SHTN1: variants seen among roughly 807,000 people sequenced by gnomAD.
SHTN1 encodes shootin-1.
Under a neutral mutation model 83.1 loss-of-function variants are expected in SHTN1, and 42 were observed. The observed-to-expected ratio is 0.51, with a 90% CI of 0.39 to 0.65. The LOEUF (loss-of-function observed/expected upper bound fraction) is 0.65, where lower values mean the gene tolerates loss of function less well. Among genes scored for constraint, SHTN1 ranks in the 30% least tolerant of loss-of-function variants. The pLI is 0.00. For missense variants in SHTN1, 622 were observed against 737.8 expected, an observed-to-expected ratio of 0.84 and a Z score of 1.82; for synonymous variants, 224 against 247.7, an observed-to-expected ratio of 0.90 and a Z score of 0.90.
rs554427393 is a variant in SHTN1, at chr10:117,109,417, C to T, written c.-189+16890G>A. On this transcript the variant is annotated intron_variant, in intron 1 of 17. Coordinates refer to the SHTN1 transcript ENST00000392901. Reference sequence around the variant, plus strand: ...GAGTATCTTAATTTTATACTGTTTTCGTAAAAATTTCAGATTGGAAGGAAA... The same window carrying T: ...GAGTATCTTAATTTTATACTGTTTTTGTAAAAATTTCAGATTGGAAGGAAA... Among the ~76,000 whole-genome samples the T allele has an allele frequency of 2.3e-4, 35 of 151,892 alleles. 1 individual carries two copies. The South Asian group carries it at 5.4e-3, about 24-fold the overall frequency.
chr10:117,081,645 G>A (rs1413188186), intron 1 of SHTN1, among the ~76,000 whole-genome samples: 1 of 146,694 alleles, frequency 6.8e-6, no homozygotes, highest in East Asian at 2.1e-4. Context: ...GTAGAATTCG[G>A]CTGTGAATCC....
intron 1 of SHTN1, among the ~76,000 whole-genome samples, chr10:117,062,344 TC>T (rs1852915581): frequency 1.3e-5 from 2 of 152,198 alleles, no homozygotes; most frequent in African/African-American, 4.8e-5. Context: ...ATACAAAAGA[TC>T]CTGAGTATTG....
intron 3 of SHTN1, among the ~76,000 whole-genome samples, chr10:116,963,064 T>G (rs1850248447): frequency 2.6e-5 from 2 of 75,870 alleles, no homozygotes; most frequent in East Asian, 4.0e-4. Context: ...TTTTTTTTTT[T>G]TTTTTTTTTT....
rs1847082115 is a variant in SHTN1 at position 116,883,543 on chromosome 10, GTAGAGTATGCATT to G, written c.*2788_*2800del. On this transcript the variant is annotated 3_prime_UTR_variant, in exon 17 of 17. Transcript: ENST00000355371. Reference sequence around the variant, plus strand: ...TTCCACAACGAGTGTAACTGAACAGGTAGAGTATGCATTTAGAAAAATAATCCAGACTTGAAGG... The same window carrying G: ...TTCCACAACGAGTGTAACTGAACAGGTAGAAAAATAATCCAGACTTGAAGG... 6.6e-6 allele frequency: 1 copy of G among 152,344 alleles called. No individual in the cohort carries two copies. The highest frequency in any genetic ancestry group is 1.9e-4 in the East Asian group (1 of 5,180). 9.4% of individuals were successfully genotyped at this position (152,344 alleles called of 1,614,324 possible).
At chr10:117,025,374 G>C (rs983723582) in intron 2 of SHTN1, among the ~76,000 whole-genome samples, 1 of 152,134 alleles carries the variant, frequency 6.6e-6, no homozygotes, top group Admixed American at 6.6e-5. Flanking sequence ...GAGAATTGCC[G>C]ATCCCAGTAG....
intron 1 of SHTN1, among the ~76,000 whole-genome samples, chr10:117,083,445 C>G (rs1564953565): frequency 6.6e-6 from 1 of 151,240 alleles, no homozygotes; most frequent in Non-Finnish European, 1.5e-5. Flanking sequence ...GTAACCCGAC[C>G]TTTCTCTCTG....
intron 1 of SHTN1, among the ~76,000 whole-genome samples, chr10:117,077,357 C>T (rs1853174860): frequency 6.6e-6 from 1 of 152,178 alleles, no homozygotes; most frequent in African/African-American, 2.4e-5. Context: ...GAGAATAACT[C>T]TACCTGGGCA....
chr10:116,990,629 T>C (rs940260380), intron 1 of SHTN1, among the ~76,000 whole-genome samples: 1 of 152,230 alleles, frequency 6.6e-6, no homozygotes, highest in Non-Finnish European at 1.5e-5. Context: ...TTTTTCATTC[T>C]ACCCTCTTTG....
chr10:117,074,914 T>C (rs1049007104), intron 1 of SHTN1, among the ~76,000 whole-genome samples: 1 of 152,138 alleles, frequency 6.6e-6, no homozygotes, highest in Non-Finnish European at 1.5e-5. Flanking sequence ...ACTTGAGGAA[T>C]TAAGAAATGT....
chr10:117,025,042 T>C (rs933551777), intron 2 of SHTN1, among the ~76,000 whole-genome samples: 11 of 152,182 alleles, frequency 7.2e-5, no homozygotes, highest in Admixed American at 5.2e-4. Context: ...CCACTGATAG[T>C]TGCCCCTTCA....
chr10:117,006,940 T>C (rs1382986438), upstream of SHTN1, among the ~76,000 whole-genome samples: 1 of 152,136 alleles, frequency 6.6e-6, no homozygotes, highest in Non-Finnish European at 1.5e-5. Context: ...CTGCTTTCTC[T>C]TTCTCTAAAA....
At chr10:116,963,103 G>C (rs71475009) in intron 3 of SHTN1, among the ~76,000 whole-genome samples, 3 of 105,488 alleles carry the variant, frequency 2.8e-5, no homozygotes, top group African/African-American at 1.2e-4. Flanking sequence ...ACGGAGTCTC[G>C]CTCTGTGGCC....
chr10:117,041,099 C>G (rs1468746075), intron 2 of SHTN1, among the ~76,000 whole-genome samples: 1 of 152,032 alleles, frequency 6.6e-6, no homozygotes, highest in South Asian at 2.1e-4. Context: ...CCCTCCCACC[C>G]CCGCCACCCC....
intron 1 of SHTN1, among the ~76,000 whole-genome samples, chr10:117,118,570 A>C (rs1853883170): frequency 6.6e-6 from 1 of 152,228 alleles, no homozygotes; most frequent in Non-Finnish European, 1.5e-5. Flanking sequence ...AAGAAAGGAA[A>C]TCAATACATT....
chr10:116,962,689 T>G (rs979725886), intron 3 of SHTN1, among the ~76,000 whole-genome samples: 2 of 152,194 alleles, frequency 1.3e-5, no homozygotes, highest in African/African-American at 4.8e-5. Context: ...TGCCCTGTGA[T>G]TCAACTTGAT....
chr10:117,120,826 T>TG (rs1853912852), intron 1 of SHTN1, among the ~76,000 whole-genome samples: 1 of 150,364 alleles, frequency 6.7e-6, no homozygotes, highest in African/African-American at 2.5e-5. Flanking sequence ...TTTTTTTTTT[T>TG]TGAGACAGAG....
chr10:117,072,998 T>C (rs993908815), intron 1 of SHTN1, among the ~76,000 whole-genome samples: 9 of 151,872 alleles, frequency 5.9e-5, no homozygotes, highest in Non-Finnish European at 1.3e-4. Flanking sequence ...TTTAAGGAAA[T>C]AGATAGCATA....
intron 1 of SHTN1, among the ~76,000 whole-genome samples, chr10:117,119,569 G>A (rs1312060714): frequency 6.6e-6 from 1 of 152,124 alleles, no homozygotes; most frequent in Non-Finnish European, 1.5e-5. Context: ...GTGGAGAAAA[G>A]GGAACCCTCA....
intron 1 of SHTN1, among the ~76,000 whole-genome samples, chr10:116,986,546 A>C (rs910255091): frequency 4.6e-5 from 7 of 152,064 alleles, no homozygotes; most frequent in Admixed American, 4.6e-4. Context: ...CTAGATGCTC[A>C]AAGTGAAAAT....
Sources: allele counts gnomAD v4.1 joint callset (sites outside exome capture counted in the v4.1 genomes callset), GRCh38; gene constraint gnomAD v4.1.1; transcripts MANE v1.5; gene names NCBI Gene and HGNC (gene_info 2026-07-23, HGNC 2026-07-21).